CEP120: variants seen among roughly 807,000 people sequenced by gnomAD.
The protein encoded by CEP120 is centrosomal protein 120, also known as centrosomal protein of 120 kDa.
CEP120 carries 113 observed loss-of-function variants against 126.5 expected under a neutral mutation model. The ratio of observed to expected loss-of-function variants is 0.89; its 90% confidence interval spans 0.77 to 1.04. The LOEUF is 1.04. CEP120 is among the 50% of genes least tolerant of loss of function. CEP120 has a pLI of 0.00. For synonymous variants in CEP120, 400 were observed against 394.3 expected, an observed-to-expected ratio of 1.01 and a Z score of -0.17; for missense variants, 1,230 against 1,155.7, an observed-to-expected ratio of 1.06 and a Z score of -0.93.
At chr5:123,422,687 G>T in intron 1 of CEP120, 1 of 806,362 alleles carries the variant, frequency 1.2e-6, no homozygotes, top group Non-Finnish European at 2.0e-6. Flanking sequence ...GTGCTGCTTT[G>T]GATGAAAATC....
intron 6 of CEP120, among the ~76,000 whole-genome samples, chr5:123,392,434 A>G (rs1772465365): frequency 6.6e-6 from 1 of 152,242 alleles, no homozygotes; most frequent in Admixed American, 6.5e-5. Context: ...ATCTAAGCGT[A>G]TACAACACCA....
At chr5:123,374,770 G>A (rs895631020) in intron 16 of CEP120, among the ~76,000 whole-genome samples, 1 of 152,064 alleles carries the variant, frequency 6.6e-6, no homozygotes, top group African/African-American at 2.4e-5. Context: ...CCTTTCTAAA[G>A]TCTCTCACTT....
chr5:123,350,434 T>TTC (rs1769129630), intron 18 of CEP120, among the ~76,000 whole-genome samples: 2 of 152,338 alleles, frequency 1.3e-5, no homozygotes, highest in African/African-American at 4.8e-5. Flanking sequence ...CAGCTAGGTT[T>TTC]TCTCTAAACA....
In CEP120 at chr5:123,385,130, A is replaced by G. The variant is rs1223191516; in HGVS notation, c.1584T>C (p.Ile528=). The G allele has an allele frequency of 2.5e-6, 4 of 1,610,040 alleles. No individual in the cohort carries two copies. The highest frequency in any genetic ancestry group is 3.4e-6 in the Non-Finnish European group (4 of 1,178,220). ...PHQLQDTFLR[I]PLLVELWHKD... is the part of the protein sequence containing the mutation. The stretch of plus-strand genomic sequence containing the variant: ...TGTGCCATAGTTCAACCAGTAATGG[A>G]ATCCTAAGGAAGAGAGAAACATGTG... The change falls in exon 11 of 20, where the codon ATT becomes ATC. Residue 528 remains isoleucine, a synonymous_variant. Transcript: ENST00000306467.
chr5:123,369,277 C>T (rs1480855212), intron 17 of CEP120, among the ~76,000 whole-genome samples: 1 of 151,950 alleles, frequency 6.6e-6, no homozygotes, highest in African/African-American at 2.4e-5. Flanking sequence ...CTATGTTTAG[C>T]ATTTTACAAA....
At position 123,377,507 on chromosome 5, in the gene CEP120, G is replaced by A; in HGVS notation, c.2225C>T (p.Ser742Leu). The change falls in exon 16 of 20, where the codon TCA (serine) becomes TTA (leucine). Residue 742 changes from serine to leucine, a missense_variant. Transcript: ENST00000306467. ...ELQREKKELQ[S>L]ERQRNLQELQ... ...TTCTTGCAGGTTCCGCTGACGTTCT[G>A]ATTGCAGTTCCTTTTTTTCTCTTTG... The A allele has an allele frequency of 6.3e-7, 1 of 1,588,316 alleles. No homozygotes were observed. Among genetic ancestry groups the A allele is most frequent in the South Asian group, 1.2e-5 (1 of 85,278 alleles).
chr5:123,423,231 G>A lies in CEP120; in HGVS notation c.-233C>T. ...TGCCCCGACTCAAGGAAAAAGCCACGCTGCAGCCCTGCCAGTCTGCAAGCA... is the reference window on the plus strand; with the variant it reads ...TGCCCCGACTCAAGGAAAAAGCCACACTGCAGCCCTGCCAGTCTGCAAGCA... On this transcript the variant is annotated 5_prime_UTR_variant, in exon 1 of 20. Coordinates refer to ENST00000306467, the MANE Select transcript of CEP120 (RefSeq NM_001375405.1). The A allele has an allele frequency of 1.8e-6, 1 of 549,946 alleles. No homozygotes were observed. The highest frequency in any genetic ancestry group is 3.0e-5 in the East Asian group (1 of 33,360). The allele number at this position is 549,946 out of a possible 1,614,324, so 34.1% of individuals were successfully genotyped here.
intron 5 of CEP120, among the ~76,000 whole-genome samples, chr5:123,396,185 G>A (rs1772780679): frequency 6.6e-6 from 1 of 151,958 alleles, no homozygotes; most frequent in Non-Finnish European, 1.5e-5. Flanking sequence ...GCCAAAGTTT[G>A]TTTATCCATT....
Position 123,371,984 on chromosome 5 carries a change from T to C in CEP120, c.2481+666A>G, listed in dbSNP as rs917594542. On this transcript the variant is annotated intron_variant, in intron 17 of 19. Transcript: ENST00000306467. ...AATGCAAGAACACATATGGTCAAAC[T>C]TGTCTATTGGACATTACACATTTTT... is the stretch of plus-strand genomic sequence containing the variant. Among the ~76,000 whole-genome samples the C allele has an allele frequency of 2.0e-5, 3 of 152,150 alleles. No homozygotes were observed. In the South Asian group the frequency reaches 6.2e-4, roughly 31 times the overall value.
At chr5:123,384,851 G>GA in intron 11 of CEP120, 100 bp downstream of exon 11, 8 of 1,030,412 alleles carry the variant, frequency 7.8e-6, no homozygotes, top group Non-Finnish European at 1.1e-5. Context: ...TGGTGGATCA[G>GA]AAAAAAGAGG....
chr5:123,353,342 T>C (rs1197201546), intron 18 of CEP120, among the ~76,000 whole-genome samples: 2 of 151,922 alleles, frequency 1.3e-5, no homozygotes, highest in South Asian at 2.1e-4. Context: ...TTTTCTCCTT[T>C]AATCTTTGAA....
At chr5:123,347,346 A>G (rs1214544198) in intron 19 of CEP120, among the ~76,000 whole-genome samples, 1 of 152,154 alleles carries the variant, frequency 6.6e-6, no homozygotes, top group Non-Finnish European at 1.5e-5. Context: ...AATTCATTCA[A>G]CAAACATTTA....
At chr5:123,415,384 T>C (rs1329505549) in intron 3 of CEP120, among the ~76,000 whole-genome samples, 3 of 152,180 alleles carry the variant, frequency 2.0e-5, no homozygotes, top group African/African-American at 4.8e-5. Flanking sequence ...GACAATTCAC[T>C]GAAGCAGGAA....
chr5:123,382,610 C>A, intron 13 of CEP120, 127 bp downstream of exon 13: 1 of 830,530 alleles, frequency 1.2e-6, no homozygotes, highest in South Asian at 2.7e-5. Flanking sequence ...TTAAGTAAAG[C>A]ATTGTTGACA....
chr5:123,385,792 CAG>C (rs1258201363), intron 10 of CEP120, among the ~76,000 whole-genome samples: 1 of 151,870 alleles, frequency 6.6e-6, no homozygotes, highest in African/African-American at 2.4e-5. Context: ...TTTGTAGAGA[CAG>C]GGTTTCACCA....
At chr5:123,375,513 C>A (rs1771147505) in intron 16 of CEP120, among the ~76,000 whole-genome samples, 2 of 151,690 alleles carry the variant, frequency 1.3e-5, no homozygotes, top group South Asian at 4.2e-4. Context: ...TGAAGAGATG[C>A]AGTTTTGCCA....
intron 18 of CEP120, among the ~76,000 whole-genome samples, chr5:123,358,695 C>CAT (rs1769840789): frequency 7.7e-5 from 1 of 12,908 alleles, no homozygotes; most frequent in African/African-American, 3.6e-4. Flanking sequence ...TAATAATAAT[C>CAT]ACACACACAC....
chr5:123,423,076 C>A lies in CEP120; in HGVS notation c.-78G>T. ...GTTGAGTCGCGGGTAATCCGGGACC[C>A]CCGGCGGGACCCCCACTGCCCGCCC... On this transcript the variant is annotated 5_prime_UTR_variant, in exon 1 of 20. Coordinates refer to ENST00000306467, the MANE Select transcript of CEP120 (RefSeq NM_001375405.1). 7.9e-7 allele frequency: 1 copy of A among 1,260,906 alleles called. No individual in the cohort carries two copies. Among genetic ancestry groups the A allele is most frequent in the Non-Finnish European group, 1.2e-6 (1 of 866,182 alleles). The allele number at this position is 1,260,906 out of a possible 1,614,324, so 78.1% of individuals were successfully genotyped here. A position where few individuals can be genotyped will look rare whatever the true frequency, so the allele number is the denominator to read the frequency against.
intron 8 of CEP120, among the ~76,000 whole-genome samples, chr5:123,388,849 C>T (rs1230890588): frequency 2.0e-5 from 3 of 152,088 alleles, no homozygotes; most frequent in Non-Finnish European, 4.4e-5. Context: ...ATATAGAAAA[C>T]GTACAGAACC....
Sources: allele counts gnomAD v4.1 joint callset (sites outside exome capture counted in the v4.1 genomes callset), GRCh38; gene constraint gnomAD v4.1.1; transcripts MANE v1.5; gene names NCBI Gene and HGNC (gene_info 2026-07-23, HGNC 2026-07-21).